The following LAMC1 variants were observed in gnomAD, a reference collection of about 807,000 sequenced individuals.
The protein encoded by LAMC1 is laminin subunit gamma-1.
Under a neutral mutation model 173.6 loss-of-function variants are expected in LAMC1, and 38 were observed. The ratio of observed to expected loss-of-function variants is 0.22; its 90% confidence interval spans 0.17 to 0.29. LAMC1 has a LOEUF of 0.29. LAMC1 is among the 10% of genes least tolerant of loss of function. The pLI is 1.00. For synonymous variants in LAMC1, 746 were observed against 749.1 expected, an observed-to-expected ratio of 1.00 and a Z score of 0.07; for missense variants, 1,824 against 2,051.8, an observed-to-expected ratio of 0.89 and a Z score of 2.14.
chr1:183,057,617 C>T (rs557863368), intron 1 of LAMC1, among the ~76,000 whole-genome samples: 9 of 152,108 alleles, frequency 5.9e-5, no homozygotes, highest in Non-Finnish European at 1.2e-4. Context: ...AAAAATTAGC[C>T]GGGCATGATG....
At position 183,142,818 on chromosome 1, in the gene LAMC1, C is replaced by T. The variant is rs1312709202; in HGVS notation, c.*28C>T. The stretch of plus-strand genomic sequence containing the variant: ...TCTTTAGGGCTGGAAGGCAGCATCC[C>T]TCTGACAGGGGGGCAGTTGTGAGGC... On this transcript the variant is annotated 3_prime_UTR_variant, in exon 28 of 28. Coordinates refer to ENST00000258341, the MANE Select transcript of LAMC1 (RefSeq NM_002293.4). 4 of 1,578,978 alleles carry T rather than the reference C, an allele frequency of 2.5e-6. No homozygotes were observed. The African/African-American group carries it at 5.4e-5, about 21-fold the overall frequency.
intron 26 of LAMC1, among the ~76,000 whole-genome samples, chr1:183,138,883 A>C (rs756535174): frequency 1.3e-5 from 2 of 151,994 alleles, no homozygotes; most frequent in African/African-American, 2.4e-5. Flanking sequence ...GTGAAACGCT[A>C]TCTCTACTAA....
Position 183,140,462 on chromosome 1 carries a change from C to A in LAMC1, c.4532C>A (p.Thr1511Asn). The A allele has an allele frequency of 6.2e-7, 1 of 1,613,630 alleles. No individual in the cohort carries two copies. Among genetic ancestry groups the A allele is most frequent in the Non-Finnish European group, 8.5e-7 (1 of 1,179,764 alleles). Residue 1511 changes from threonine to asparagine, a missense_variant, in exon 27 of 28, where the codon ACT becomes AAT. Thr to Asn is a moderately conservative substitution (Grantham distance 65, BLOSUM62 0). Transcript: ENST00000258341. ...GCCAGAAAAGCCAAAAACTCTGTTA[C>A]TAGCCTCCTCAGCATTATTAATGAC... Reference protein sequence around the residue: ...INARKAKNSVTSLLSIINDLL... With the variant: ...INARKAKNSVNSLLSIINDLL...
At chr1:183,058,894 G>T (rs1654670775) in intron 1 of LAMC1, among the ~76,000 whole-genome samples, 2 of 152,246 alleles carry the variant, frequency 1.3e-5, no homozygotes, top group Non-Finnish European at 2.9e-5. Flanking sequence ...AAGCCTGTCA[G>T]CTGCAATCAA....
rs183515847 is a variant in LAMC1, at chr1:183,080,010, G to A, written c.419-23318G>A. On this transcript the variant is annotated intron_variant, in intron 1 of 27. Transcript: ENST00000258341. ...TGTAATCCCAGCACTTTGAGGAGCC[G>A]AGATGGGTGGATCACCTGAGGTCAG... is the stretch of plus-strand genomic sequence containing the variant. Among the ~76,000 whole-genome samples, 585 of 152,148 alleles carry A rather than the reference G, an allele frequency of 3.8e-3. 2 individuals carry two copies. Among genetic ancestry groups the A allele is most frequent in the Non-Finnish European group, 5.4e-3 (368 of 67,984 alleles).
intron 1 of LAMC1, among the ~76,000 whole-genome samples, chr1:183,069,171 G>T (rs985015837): frequency 6.6e-6 from 1 of 152,128 alleles, no homozygotes; most frequent in Non-Finnish European, 1.5e-5. Flanking sequence ...TAGGTTCATT[G>T]TCAGGACTCT....
intron 1 of LAMC1, among the ~76,000 whole-genome samples, chr1:183,049,499 T>C (rs1654354611): frequency 1.3e-5 from 2 of 151,922 alleles, no homozygotes; most frequent in African/African-American, 4.8e-5. Flanking sequence ...AGTTTAGCTC[T>C]GTCGCCCAGG....
At chr1:183,053,714 C>T (rs530293734) in intron 1 of LAMC1, among the ~76,000 whole-genome samples, 41 of 152,064 alleles carry the variant, frequency 2.7e-4, no homozygotes, top group Non-Finnish European at 5.4e-4. Flanking sequence ...CAACCTCCAT[C>T]TCCTGGGCTC....
chr1:183,072,191 A>G (rs1214378523), intron 1 of LAMC1, among the ~76,000 whole-genome samples: 9 of 152,226 alleles, frequency 5.9e-5, no homozygotes, highest in African/African-American at 1.9e-4. Flanking sequence ...TAAGTCTGCT[A>G]TTTGGAGGCA....
At chr1:183,068,273 A>G (rs917421520) in intron 1 of LAMC1, among the ~76,000 whole-genome samples, 1 of 151,368 alleles carries the variant, frequency 6.6e-6, no homozygotes, top group African/African-American at 2.5e-5. Flanking sequence ...TAAAGAATAC[A>G]CACAATCTCA....
intron 27 of LAMC1, among the ~76,000 whole-genome samples, chr1:183,141,639 TG>T (rs1421853663): frequency 1.3e-5 from 2 of 152,150 alleles, no homozygotes; most frequent in African/African-American, 4.8e-5. Context: ...TTTGTTTTGG[TG>T]GGGGGCTACA....
intron 1 of LAMC1, among the ~76,000 whole-genome samples, chr1:183,081,963 G>A (rs894588423): frequency 3.9e-5 from 6 of 152,122 alleles, no homozygotes; most frequent in Non-Finnish European, 8.8e-5. Flanking sequence ...TCCTTTCCCA[G>A]AATGTCATAT....
intron 1 of LAMC1, among the ~76,000 whole-genome samples, chr1:183,026,833 A>C (rs1653700492): frequency 6.6e-6 from 1 of 152,226 alleles, no homozygotes; most frequent in Non-Finnish European, 1.5e-5. Context: ...GTGTTTTGGC[A>C]CTGACTTTTT....
At chr1:183,037,416 T>C (rs1222287537) in intron 1 of LAMC1, among the ~76,000 whole-genome samples, 3 of 152,230 alleles carry the variant, frequency 2.0e-5, no homozygotes, top group Admixed American at 2.0e-4. Flanking sequence ...ACATTCTAGT[T>C]CTTTCCTTCT....
chr1:183,115,782 A>G (rs1656301955), intron 6 of LAMC1, 145 bp downstream of exon 6: 1 of 653,732 alleles, frequency 1.5e-6, no homozygotes, highest in Non-Finnish European at 2.7e-6. Flanking sequence ...TGTAATGGTG[A>G]GCCACAAGGG....
intron 1 of LAMC1, among the ~76,000 whole-genome samples, chr1:183,029,430 A>G (rs1043745392): frequency 6.6e-6 from 1 of 152,222 alleles, no homozygotes; most frequent in Non-Finnish European, 1.5e-5. Context: ...TGATGATTCT[A>G]AAATGCAAAT....
intron 1 of LAMC1, among the ~76,000 whole-genome samples, chr1:183,101,521 C>T (rs945482271): frequency 5.9e-5 from 9 of 151,594 alleles, no homozygotes; most frequent in East Asian, 3.9e-4. Context: ...TTTATGTGAA[C>T]GTATTCAGAA....
intron 13 of LAMC1, among the ~76,000 whole-genome samples, chr1:183,122,525 G>A (rs1656505278): frequency 6.6e-6 from 1 of 152,096 alleles, no homozygotes; most frequent in African/African-American, 2.4e-5. Context: ...GGCTTCAAAA[G>A]CCTTTCTATA....
At chr1:183,030,235 C>T (rs1261551715) in intron 1 of LAMC1, among the ~76,000 whole-genome samples, 1 of 152,154 alleles carries the variant, frequency 6.6e-6, no homozygotes, top group Non-Finnish European at 1.5e-5. Context: ...TATGTCCCAG[C>T]CCACAAAGGC....
Sources: allele counts gnomAD v4.1 joint callset (sites outside exome capture counted in the v4.1 genomes callset), GRCh38; gene constraint gnomAD v4.1.1; transcripts MANE v1.5; gene names NCBI Gene and HGNC (gene_info 2026-07-23, HGNC 2026-07-21).